The following PLXDC2 variants were observed in gnomAD, a reference collection of about 807,000 sequenced individuals.
PLXDC2 encodes the protein plexin domain containing 2, also known as plexin domain-containing protein 2.
Under a neutral mutation model 68.9 loss-of-function variants are expected in PLXDC2, and 40 were observed. That is an observed-to-expected ratio of 0.58 (90% CI 0.45 to 0.76). The LOEUF (loss-of-function observed/expected upper bound fraction) is 0.76. Ranked by LOEUF, PLXDC2 falls within the 30% of genes least tolerant of loss-of-function variation. The pLI, the probability that PLXDC2 is intolerant of heterozygous loss-of-function variation, is 0.00. For synonymous variants in PLXDC2, 243 were observed against 234.2 expected, an observed-to-expected ratio of 1.04 and a Z score of -0.34; for missense variants, 644 against 661.9, an observed-to-expected ratio of 0.97 and a Z score of 0.30.
At chr10:20,082,776 G>A (rs757042945) in intron 4 of PLXDC2, among the ~76,000 whole-genome samples, 8 of 152,134 alleles carry the variant, frequency 5.3e-5, no homozygotes, top group Non-Finnish European at 1.2e-4. Flanking sequence ...ACCACCTAAC[G>A]CCCATCACTG....
intron 1 of PLXDC2, among the ~76,000 whole-genome samples, chr10:19,877,589 T>C (rs1053805197): frequency 6.6e-6 from 1 of 152,226 alleles, no homozygotes; most frequent in Non-Finnish European, 1.5e-5. Flanking sequence ...TGGGCTGGAA[T>C]GTGGACCTGA....
At chr10:20,052,791 G>A (rs767312974) in intron 3 of PLXDC2, among the ~76,000 whole-genome samples, 2 of 151,742 alleles carry the variant, frequency 1.3e-5, no homozygotes, top group African/African-American at 2.4e-5. Context: ...TAGTCCCAGG[G>A]CCAGAGGGCT....
intron 1 of PLXDC2, among the ~76,000 whole-genome samples, chr10:19,928,699 T>A (rs1833579310): frequency 6.6e-6 from 1 of 151,614 alleles, no homozygotes; most frequent in South Asian, 2.1e-4. Context: ...ATCGTAGAGA[T>A]CTTGTCTGTG....
In PLXDC2 at chr10:19,931,952, A is replaced by AGTGTGTGTGTGTGTGTGTGT. The variant is rs33953625; in HGVS notation, c.113-69814_113-69795dup. 7.2e-4 allele frequency among the ~76,000 whole-genome samples: 108 copies of AGTGTGTGTGTGTGTGTGTGT among 149,742 alleles called. 1 individual carries two copies. Among genetic ancestry groups the AGTGTGTGTGTGTGTGTGTGT allele is most frequent in the African/African-American group, 2.3e-3 (93 of 40,608 alleles). On this transcript the variant is annotated intron_variant, in intron 1 of 13. Transcript: ENST00000377252. ...ACAGGAAATATCTTCTAATTTGGGA[A>AGTGTGTGTGTGTGTGTGTGT]GTGTGTGTGTGTGTGTGTGTGTGTG...
chr10:20,246,969 G>A (rs1835605545), intron 13 of PLXDC2, among the ~76,000 whole-genome samples: 1 of 152,138 alleles, frequency 6.6e-6, no homozygotes, highest in Admixed American at 6.5e-5. Context: ...ACTGTCTGTA[G>A]AAGAAAGTGC....
At position 19,820,295 on chromosome 10, in the gene PLXDC2, G is replaced by C. The variant is rs987061361; in HGVS notation, c.112+3104G>C. ...AAAGATAATAATTTTGCTCCAGACA[G>C]GTTTCTTCACTGTAAGCATCAGATA... On this transcript the variant is annotated intron_variant, in intron 1 of 13. Transcript: ENST00000377252. Among the ~76,000 whole-genome samples, 3 of 152,150 alleles carry C rather than the reference G, an allele frequency of 2.0e-5. No individual in the cohort carries two copies. In the South Asian group the frequency reaches 6.2e-4, roughly 31 times the overall value.
At chr10:20,157,833 T>C (rs1224622185) in intron 6 of PLXDC2, among the ~76,000 whole-genome samples, 1 of 152,196 alleles carries the variant, frequency 6.6e-6, no homozygotes, top group Non-Finnish European at 1.5e-5. Flanking sequence ...AATTATACTG[T>C]TATTTAAAAG....
intron 4 of PLXDC2, among the ~76,000 whole-genome samples, chr10:20,138,713 G>C (rs1833964371): frequency 6.6e-6 from 1 of 152,150 alleles, no homozygotes; most frequent in Non-Finnish European, 1.5e-5. Context: ...AGGAGTTCAA[G>C]ACCAGCCTAG....
chr10:19,884,603 G>A (rs1172436209), intron 1 of PLXDC2, among the ~76,000 whole-genome samples: 1 of 150,768 alleles, frequency 6.6e-6, no homozygotes, highest in Non-Finnish European at 1.5e-5. Flanking sequence ...AATATACAGT[G>A]TTTGGTTTTT....
In PLXDC2 at chr10:20,253,606, T is replaced by C. The variant is rs573638136; in HGVS notation, c.1473+8101T>C. 2.0e-5 allele frequency among the ~76,000 whole-genome samples: 3 copies of C among 152,158 alleles called. No individual in the cohort carries two copies. In the South Asian group the frequency reaches 6.2e-4, roughly 32 times the overall value. On this transcript the variant is annotated intron_variant, in intron 13 of 13. Transcript: ENST00000377252. ...TACTTTGTATTTTCTATCAGCAAAATCAGGATACCAAAGCAAAAAGAAACT... is the reference window on the plus strand; with the variant it reads ...TACTTTGTATTTTCTATCAGCAAAACCAGGATACCAAAGCAAAAAGAAACT...
intron 4 of PLXDC2, among the ~76,000 whole-genome samples, chr10:20,107,543 A>G (rs922672440): frequency 1.3e-5 from 2 of 152,174 alleles, no homozygotes; most frequent in African/African-American, 4.8e-5. Context: ...AATCAATTGT[A>G]AGATTAAATC....
intron 1 of PLXDC2, among the ~76,000 whole-genome samples, chr10:19,888,510 TG>T (rs1837889059): frequency 6.6e-6 from 1 of 151,910 alleles, no homozygotes; most frequent in African/African-American, 2.4e-5. Context: ...CCTGAGGAGT[TG>T]GGAAGAAAAG....
chr10:20,120,118 T>C (rs1336516208), intron 4 of PLXDC2, among the ~76,000 whole-genome samples: 1 of 151,796 alleles, frequency 6.6e-6, no homozygotes, highest in Non-Finnish European at 1.5e-5. Flanking sequence ...CATGTATGAG[T>C]AGTTGAGAAC....
In PLXDC2 at chr10:20,127,043, A is replaced by G. The variant is rs573227020; in HGVS notation, c.542-16252A>G. Among the ~76,000 whole-genome samples the G allele has an allele frequency of 6.6e-5, 10 of 151,940 alleles. 1 individual carries two copies. In the South Asian group the frequency reaches 1.9e-3, roughly 28 times the overall value. Reference sequence around the variant, plus strand: ...TAAGTGCTAAGGCAATTAAAACCCAAAGCATCTAAAGAAATTATTGGGATA... The same window carrying G: ...TAAGTGCTAAGGCAATTAAAACCCAGAGCATCTAAAGAAATTATTGGGATA... On this transcript the variant is annotated intron_variant, in intron 4 of 13. Transcript: ENST00000377252.
At chr10:20,144,004 A>G (rs1008962294) in intron 5 of PLXDC2, among the ~76,000 whole-genome samples, 4 of 28,826 alleles carry the variant, frequency 1.4e-4, no homozygotes, top group African/African-American at 6.7e-4. Context: ...TAAAATAGAG[A>G]AAAAAACTAT....
chr10:19,865,151 A>G (rs1272389922), intron 1 of PLXDC2, among the ~76,000 whole-genome samples: 10 of 152,158 alleles, frequency 6.6e-5, no homozygotes, highest in Admixed American at 6.6e-4. Flanking sequence ...CCAGTGATGA[A>G]GGCAGTGGAG....
At chr10:19,859,456 A>G (rs1348638557) in intron 1 of PLXDC2, among the ~76,000 whole-genome samples, 2 of 152,108 alleles carry the variant, frequency 1.3e-5, no homozygotes, top group African/African-American at 4.8e-5. Flanking sequence ...TATTATTTTC[A>G]TATTACATAT....
chr10:19,941,607 A>G (rs961345477), intron 1 of PLXDC2, among the ~76,000 whole-genome samples: 4 of 152,188 alleles, frequency 2.6e-5, no homozygotes, highest in African/African-American at 9.6e-5. Context: ...AAGCCAGTTC[A>G]AAGGGGGTCT....
chr10:20,097,919 T>C, intron 4 of PLXDC2, among the ~76,000 whole-genome samples: 1 of 148,500 alleles, frequency 6.7e-6, no homozygotes, highest in South Asian at 2.1e-4. Context: ...TTATATAGCA[T>C]TATATTATTT....
Sources: allele counts gnomAD v4.1 joint callset (sites outside exome capture counted in the v4.1 genomes callset), GRCh38; gene constraint gnomAD v4.1.1; transcripts MANE v1.5; gene names NCBI Gene and HGNC (gene_info 2026-07-23, HGNC 2026-07-21).